Variants in PNLDC1 observed in about 807,000 individuals in gnomAD.
PNLDC1 encodes the protein PARN like ribonuclease domain containing exonuclease 1.
PNLDC1 carries 70 observed loss-of-function variants against 82.0 expected under a neutral mutation model. That is an observed-to-expected ratio of 0.85 (90% CI 0.70 to 1.04). The LOEUF (loss-of-function observed/expected upper bound fraction) is 1.04. Among genes scored for constraint, PNLDC1 ranks in the 50% least tolerant of loss-of-function variants. PNLDC1 has a pLI of 0.00. For synonymous variants in PNLDC1, 280 were observed against 249.3 expected (o/e 1.12, Z -1.16); for missense variants, 631 against 661.1 (o/e 0.95, Z 0.50).
intron 12 of PNLDC1, 68 bp from the exon 13 acceptor site, chr6:159,815,901 T>G: frequency 8.2e-7 from 1 of 1,225,916 alleles, no homozygotes; most frequent in Admixed American, 1.7e-5. Flanking sequence ...CTTAAGGGAC[T>G]GAGGGGGAAT....
At position 159,813,674 on chromosome 6, in the gene PNLDC1, T is replaced by A; in HGVS notation, c.995+18T>A. The A allele has an allele frequency of 1.2e-6, 2 of 1,611,972 alleles. No individual in the cohort carries two copies. The highest frequency in any genetic ancestry group is 1.7e-6 in the Non-Finnish European group (2 of 1,178,026). On this transcript the variant is annotated intron_variant, in intron 12 of 18. Transcript: ENST00000392167. ...CTGAACAGGTGAGGACGGCGATTCC[T>A]GGAGCTACTGCTGGAGCGGCCTTGG...
rs1222336060 is a variant in PNLDC1, at chr6:159,805,693, T to G, written c.462-290T>G. ...ATAAAGAAGACGGTCCTGATAGCAA[T>G]GCTTGGTATTGGCTAGATACCAATA... On this transcript the variant is annotated intron_variant, in intron 6 of 18. Transcript: ENST00000392167. The G allele has an allele frequency of 1.2e-5, 4 of 331,494 alleles. No individual in the cohort carries two copies. In the East Asian group the frequency reaches 2.3e-4, roughly 19 times the overall value. The allele number at this position is 331,494 out of a possible 1,614,324, so 20.5% of individuals were successfully genotyped here. A position where few individuals can be genotyped will look rare whatever the true frequency, so the allele number is the denominator to read the frequency against.
At chr6:159,816,633 T>A in intron 14 of PNLDC1, 37 bp downstream of exon 14, 2 of 621,388 alleles carry the variant, frequency 3.2e-6, no homozygotes, top group Non-Finnish European at 4.0e-6. Context: ...AAACTCACTT[T>A]TTTTTTTTTT....
At chr6:159,818,433 G>GGAGGGAGGGAGAGCCGTCC in intron 15 of PNLDC1, 122 bp from the exon 16 acceptor site, 1 of 829,286 alleles carries the variant, frequency 1.2e-6, no homozygotes, top group East Asian at 2.5e-5. Flanking sequence ...TGTGAGGGCA[G>GGAGGGAGGGAGAGCCGTCC]GAGGGAGGGA....
intron 5 of PNLDC1, 24 bp from the exon 6 acceptor site, chr6:159,804,525 T>G (rs770137411): frequency 6.7e-7 from 1 of 1,491,340 alleles, no homozygotes; most frequent in South Asian, 1.1e-5. Context: ...CTTGTTCTGT[T>G]TGTTGTTCTG....
chr6:159,811,071 T>G (rs527288454), intron 10 of PNLDC1, among the ~76,000 whole-genome samples: 4 of 151,492 alleles, frequency 2.6e-5, no homozygotes, highest in Non-Finnish European at 5.9e-5. Flanking sequence ...CGGTGGGAGG[T>G]CGGGAGTGAG....
At chr6:159,800,501 G>T in intron 1 of PNLDC1, 118 bp downstream of exon 1, 1 of 1,331,920 alleles carries the variant, frequency 7.5e-7, no homozygotes, top group South Asian at 1.4e-5. Flanking sequence ...CCTCGGGAAG[G>T]ACAGGGGGGC....
At position 159,800,325 on chromosome 6, in the gene PNLDC1, C is replaced by G. The variant is rs374337257; in HGVS notation, c.18C>G (p.Asp6Glu). 5.2e-6 allele frequency: 8 copies of G among 1,547,774 alleles called. No homozygotes were observed. The highest frequency in any genetic ancestry group is 2.7e-5 in the African/African-American group (2 of 72,972). MDVGA[D>E]EFEESLPLLQ... ...GCACGGCCATGGACGTGGGCGCCGA[C>G]GAGTTCGAGGAGAGCCTCCCTCTGC... Residue 6 changes from aspartate to glutamate, a missense_variant, in exon 1 of 19, where the codon GAC (aspartate) becomes GAG (glutamate). Coordinates refer to ENST00000392167, the MANE Select transcript of PNLDC1 (RefSeq NM_001271862.2).
intron 15 of PNLDC1, among the ~76,000 whole-genome samples, chr6:159,818,073 A>G (rs527945545): frequency 2.0e-5 from 3 of 152,298 alleles, no homozygotes; most frequent in East Asian, 3.9e-4. Context: ...CTCATGGCCT[A>G]AAAGCCCTCC....
chr6:159,802,087 C>A (rs748341503), intron 3 of PNLDC1, among the ~76,000 whole-genome samples: 1 of 152,176 alleles, frequency 6.6e-6, no homozygotes, highest in African/African-American at 2.4e-5. Context: ...GGGGTTTCAC[C>A]ATGTTGGCCA....
rs1177444067 is a variant in PNLDC1 at position 159,800,330 on chromosome 6, T to C, written c.23T>C (p.Phe8Ser). MDVGADE[F>S]EESLPLLQEL... The stretch of plus-strand genomic sequence containing the variant: ...GCCATGGACGTGGGCGCCGACGAGT[T>C]CGAGGAGAGCCTCCCTCTGCTGCAG... The change falls in exon 1 of 19, where the codon TTC (phenylalanine) becomes TCC (serine). Residue 8 changes from phenylalanine to serine, a missense_variant. Coordinates refer to ENST00000392167, the MANE Select transcript of PNLDC1 (RefSeq NM_001271862.2). 5.2e-6 allele frequency: 8 copies of C among 1,547,762 alleles called. No homozygotes were observed. In the African/African-American group the frequency reaches 1.1e-4, roughly 21 times the overall value.
At chr6:159,807,321 T>TG (rs1159758173) in intron 7 of PNLDC1, among the ~76,000 whole-genome samples, 5 of 151,920 alleles carry the variant, frequency 3.3e-5, no homozygotes, top group Non-Finnish European at 7.4e-5. Flanking sequence ...CCCAGCATTT[T>TG]GGGAGGCCAA....
chr6:159,817,014 C>T (rs1367197509), intron 14 of PNLDC1, 95 bp from the exon 15 acceptor site: 1 of 1,293,466 alleles, frequency 7.7e-7, no homozygotes, highest in Non-Finnish European at 1.1e-6. Flanking sequence ...CTAGATTCTA[C>T]ATTTATTTCA....
chr6:159,800,261 T>G (rs1381203093), upstream of PNLDC1: 1 of 1,513,216 alleles, frequency 6.6e-7, no homozygotes, highest in Non-Finnish European at 8.9e-7. Context: ...GGGCAGCACG[T>G]GGGCAGCACG....
At chr6:159,801,332 A>C (rs1408173462) in intron 3 of PNLDC1, 146 bp downstream of exon 3, 2 of 799,558 alleles carry the variant, frequency 2.5e-6, no homozygotes, top group Non-Finnish European at 4.2e-6. Context: ...TTGTATACAT[A>C]TGGAAATCAA....
chr6:159,818,463 C>T (rs1446784446), intron 15 of PNLDC1, 92 bp from the exon 16 acceptor site: 1 of 1,153,616 alleles, frequency 8.7e-7, no homozygotes, highest in African/African-American at 1.5e-5. Flanking sequence ...GAGGGAGTGT[C>T]CTTCTGTTCT....
At chr6:159,801,020 C>G (rs1781231480) in intron 2 of PNLDC1, 93 bp from the exon 3 acceptor site, 4 of 1,500,968 alleles carry the variant, frequency 2.7e-6, no homozygotes, top group Admixed American at 1.7e-5. Flanking sequence ...GGAAAAAATC[C>G]TCCCCGGTTG....
At chr6:159,807,383 G>T (rs1239678067) in intron 7 of PNLDC1, among the ~76,000 whole-genome samples, 2 of 140,138 alleles carry the variant, frequency 1.4e-5, no homozygotes, top group Non-Finnish European at 3.2e-5. Context: ...AACACAATGA[G>T]ACTCTGTTTC....
In PNLDC1 at chr6:159,800,996, AGTT is replaced by A; in HGVS notation, c.135-111_135-109del. 14 of 1,443,580 alleles carry A rather than the reference AGTT, an allele frequency of 9.7e-6. No individual in the cohort carries two copies. The South Asian group carries it at 1.5e-4, about 15-fold the overall frequency. The allele number at this position is 1,443,580 out of a possible 1,614,324, so 89.4% of individuals were successfully genotyped here. A position where few individuals can be genotyped will look rare whatever the true frequency, so the allele number is the denominator to read the frequency against. On this transcript the variant is annotated intron_variant, in intron 2 of 18. Transcript: ENST00000392167. ...CCACTAAATGATGGTAGTGCTCCCTAGTTGTTGTAACAAGGAAAAAATCCTCCC... is the reference window on the plus strand; with the variant it reads ...CCACTAAATGATGGTAGTGCTCCCTAGTTGTAACAAGGAAAAAATCCTCCC...
Sources: allele counts gnomAD v4.1 joint callset (sites outside exome capture counted in the v4.1 genomes callset), GRCh38; gene constraint gnomAD v4.1.1; transcripts MANE v1.5; gene names NCBI Gene and HGNC (gene_info 2026-07-23, HGNC 2026-07-21).